Variants in RPS3 observed in about 807,000 individuals in gnomAD.
The protein encoded by RPS3 is ribosomal protein S3, also known as small ribosomal subunit protein uS3.
RPS3 carries 2 observed loss-of-function variants against 25.8 expected under a neutral mutation model. That is an observed-to-expected ratio of 0.08 (90% CI 0.03 to 0.24). The LOEUF (loss-of-function observed/expected upper bound fraction) is 0.24. Ranked by LOEUF, RPS3 falls within the 10% of genes least tolerant of loss-of-function variation. The pLI is 1.00. For synonymous variants in RPS3, 114 were observed against 114.2 expected (o/e 1.00, Z 0.01); for missense variants, 107 against 307.1 (o/e 0.35, Z 4.87).
intron 1 of RPS3, chr11:75,400,454 C>T: frequency 1.7e-6 from 1 of 600,630 alleles, no homozygotes; most frequent in Non-Finnish European, 3.2e-6. Flanking sequence ...GTGGCCTACT[C>T]TGTGCTGCGT....
At chr11:75,402,935 T>G (rs1240644048) in intron 4 of RPS3, 1 of 152,630 alleles carries the variant, frequency 6.6e-6, no homozygotes, top group Non-Finnish European at 1.5e-5. Context: ...TGTGAAGAGA[T>G]AAGATAGACC....
chr11:75,402,554 A>G (rs765934617), intron 4 of RPS3, 108 bp downstream of exon 4: 28 of 1,195,114 alleles, frequency 2.3e-5, no homozygotes, highest in Non-Finnish European at 3.3e-5. Flanking sequence ...AGGATCTGCT[A>G]GTCTCCCAGG....
In RPS3 at chr11:75,399,538, C is replaced by T. The variant is rs1237863866; in HGVS notation, c.-10C>T. 3 of 1,613,892 alleles carry T rather than the reference C, an allele frequency of 1.9e-6. No individual in the cohort carries two copies. The highest frequency in any genetic ancestry group is 2.5e-6 in the Non-Finnish European group (3 of 1,179,902). ...CACTTCCTTTCCTTTCAGCGGAGCG[C>T]GGCGGCAAGATGGCAGTGCAAATAT... On this transcript the variant is annotated 5_prime_UTR_variant, in exon 1 of 7. Transcript: ENST00000531188.
chr11:75,402,578 A>T, intron 4 of RPS3, 132 bp downstream of exon 4: 4 of 924,106 alleles, frequency 4.3e-6, no homozygotes, highest in Middle Eastern at 7.3e-4. Flanking sequence ...ATAATAAGAT[A>T]CTAAGTCATG....
chr11:75,404,887 G>A lies in RPS3; in HGVS notation c.*3+19G>A, dbSNP rs1266551692. 5 of 1,517,034 alleles carry A rather than the reference G, an allele frequency of 3.3e-6. No individual in the cohort carries two copies. Among genetic ancestry groups the A allele is most frequent in the Admixed American group, 4.1e-5 (2 of 49,282 alleles). 94.0% of individuals were successfully genotyped at this position (1,517,034 alleles called of 1,614,324 possible). Reference sequence around the variant, plus strand: ...ATAACAGGTATGTCTGCAAGGGCAGGGGCCTCTTGGGGCATAATAGGGTCC... The same window carrying A: ...ATAACAGGTATGTCTGCAAGGGCAGAGGCCTCTTGGGGCATAATAGGGTCC... On this transcript the variant is annotated intron_variant, in intron 6 of 6. Coordinates refer to ENST00000531188, the MANE Select transcript of RPS3 (RefSeq NM_001005.5). The surrounding 1 kb of genome is among the most constrained non-coding windows in gnomAD (Gnocchi z 4.6).
downstream of RPS3, among the ~76,000 whole-genome samples, chr11:75,408,260 C>A (rs536691440): frequency 1.3e-5 from 2 of 152,238 alleles, no homozygotes; most frequent in Admixed American, 1.3e-4. Context: ...CCCAGCACTT[C>A]GGGAGGCCAA....
chr11:75,414,335 G>A (rs1340576637), intron 6 of RPS3, among the ~76,000 whole-genome samples: 1 of 152,230 alleles, frequency 6.6e-6, no homozygotes, highest in Non-Finnish European at 1.5e-5. Context: ...CTGTCGGCCG[G>A]GTGCCGTGGC....
At chr11:75,411,539 G>A (rs376583610), downstream of RPS3, among the ~76,000 whole-genome samples, 5 of 151,780 alleles carry the variant, frequency 3.3e-5, no homozygotes, top group Non-Finnish European at 7.4e-5. Context: ...ACAGGTGCCC[G>A]CTACCATGCC....
At chr11:75,412,558 A>C (rs967371634) in intron 6 of RPS3, among the ~76,000 whole-genome samples, 31 of 152,140 alleles carry the variant, frequency 2.0e-4, no homozygotes, top group African/African-American at 7.5e-4. Context: ...ATGGGGGTAC[A>C]TACTGCCCTC....
intron 6 of RPS3, among the ~76,000 whole-genome samples, chr11:75,418,470 G>A (rs984434000): frequency 6.6e-6 from 1 of 152,122 alleles, no homozygotes; most frequent in African/African-American, 2.4e-5. Context: ...ATGGGTGGCA[G>A]CAGTGGTGGT....
chr11:75,409,575 A>G (rs1948322779), downstream of RPS3, among the ~76,000 whole-genome samples: 1 of 139,622 alleles, frequency 7.2e-6, no homozygotes, highest in Non-Finnish European at 1.6e-5. Flanking sequence ...AAAGTCTCCC[A>G]TGTCTACTTC....
Position 75,404,973 on chromosome 11 carries a change from A to T in RPS3, c.*3+105A>T. ...TCTGGTAAGCGTTTGGTGAATAAAA[A>T]TTTCATTTATTTGCTTTATGTGGGA... On this transcript the variant is annotated intron_variant, in intron 6 of 6. Transcript: ENST00000531188. The surrounding 1 kb of genome is among the most constrained non-coding windows in gnomAD (Gnocchi z 4.6). 1.3e-6 allele frequency: 1 copy of T among 757,636 alleles called. No homozygotes were observed. The highest frequency in any genetic ancestry group is 2.0e-6 in the Non-Finnish European group (1 of 489,592). 46.9% of individuals were successfully genotyped at this position (757,636 alleles called of 1,614,324 possible).
rs759631279 is a variant in RPS3 at position 75,400,738 on chromosome 11, T to G, written c.75T>G (p.Leu25=). 2 of 1,613,376 alleles carry G rather than the reference T, an allele frequency of 1.2e-6. No individual in the cohort carries two copies. Among genetic ancestry groups the G allele is most frequent in the Non-Finnish European group, 1.7e-6 (2 of 1,179,812 alleles). ...GIFKAELNEF[L]TRELAEDGYS... ...TCAAAGCTGAACTGAATGAGTTTCT[T>G]ACTCGGGAGCTGGCTGAAGATGGCT... Residue 25 remains leucine (L), a synonymous_variant, in exon 2 of 7, where the codon CTT becomes CTG. Coordinates refer to ENST00000531188, the MANE Select transcript of RPS3 (RefSeq NM_001005.5).
At chr11:75,416,494 T>C (rs1237583757) in intron 6 of RPS3, among the ~76,000 whole-genome samples, 1 of 140,368 alleles carries the variant, frequency 7.1e-6, no homozygotes, top group African/African-American at 2.7e-5. Context: ...AAAGTCTCAC[T>C]GTCACTTAGG....
rs17880543 is a variant in RPS3, at chr11:75,400,474, CAGTTT to C, written c.31-218_31-214del. 4.0e-4 allele frequency: 261 copies of C among 655,406 alleles called. 2 individuals carry two copies. The highest frequency in any genetic ancestry group is 3.5e-3 in the South Asian group (254 of 73,380). The allele number at this position is 655,406 out of a possible 1,614,324, so 40.6% of individuals were successfully genotyped here. Reference sequence around the variant, plus strand: ...CTACTCTGTGCTGCGTTCTGTGGCACAGTTTAAAGAGCCCTGGTTGAAGTAATTTC... The same window carrying C: ...CTACTCTGTGCTGCGTTCTGTGGCACAAAGAGCCCTGGTTGAAGTAATTTC... On this transcript the variant is annotated intron_variant, in intron 1 of 6. Transcript: ENST00000531188.
chr11:75,408,203 T>G (rs897655621), downstream of RPS3, among the ~76,000 whole-genome samples: 4 of 152,158 alleles, frequency 2.6e-5, no homozygotes, highest in Non-Finnish European at 5.9e-5. Context: ...GTGTAACCAT[T>G]TAAAAATGCC....
chr11:75,420,488 G>A (rs909436766), intron 6 of RPS3, among the ~76,000 whole-genome samples: 12 of 152,260 alleles, frequency 7.9e-5, no homozygotes, highest in Admixed American at 2.6e-4. Context: ...GAGAGAGCTG[G>A]CTTCGGAGAT....
downstream of RPS3, among the ~76,000 whole-genome samples, chr11:75,409,147 AATTTT>A (rs889756101): frequency 6.6e-6 from 1 of 151,460 alleles, no homozygotes; most frequent in Non-Finnish European, 1.5e-5. Context: ...ATCTCTGACT[AATTTT>A]TATTTTTATT....
chr11:75,420,322 C>T (rs1368983512), intron 6 of RPS3, among the ~76,000 whole-genome samples: 1 of 152,218 alleles, frequency 6.6e-6, no homozygotes, highest in Non-Finnish European at 1.5e-5. Flanking sequence ...GGGACAAGAA[C>T]CATGTGTCCA....
Sources: allele counts gnomAD v4.1 joint callset (sites outside exome capture counted in the v4.1 genomes callset), GRCh38; gene constraint gnomAD v4.1.1; non-coding constraint Gnocchi (gnomAD v3.1); transcripts MANE v1.5; gene names NCBI Gene and HGNC (gene_info 2026-07-23, HGNC 2026-07-21).